The following SMOC1 variants were observed in gnomAD, a reference collection of about 807,000 sequenced individuals.
SMOC1 encodes the protein SPARC related modular calcium binding 1, also known as SPARC-related modular calcium-binding protein 1.
Under a neutral mutation model 56.3 loss-of-function variants are expected in SMOC1, and 22 were observed. The observed-to-expected ratio is 0.39, with a 90% confidence interval of 0.28 to 0.56. SMOC1 has a LOEUF of 0.56. Ranked by LOEUF, SMOC1 falls within the 20% of genes least tolerant of loss-of-function variation. The pLI is 0.61. For missense variants in SMOC1, 509 were observed against 565.4 expected (o/e 0.90, Z 1.01); for synonymous variants, 193 against 215.0 (o/e 0.90, Z 0.89).
intron 5 of SMOC1, among the ~76,000 whole-genome samples, chr14:69,986,515 T>A (rs61977396): frequency 0.058 from 8,836 of 152,282 alleles, 344 homozygotes; most frequent in Non-Finnish European, 0.086. Flanking sequence ...CATATCATTA[T>A]GCTAACTATA....
chr14:70,001,406 G>C (rs1002993674), intron 7 of SMOC1, among the ~76,000 whole-genome samples: 19 of 152,158 alleles, frequency 1.2e-4, no homozygotes, highest in Non-Finnish European at 2.5e-4. Context: ...CAAAGGGATG[G>C]GGGGTGATGG....
At chr14:69,952,686 T>A (rs917428081) in intron 2 of SMOC1, among the ~76,000 whole-genome samples, 2 of 152,208 alleles carry the variant, frequency 1.3e-5, no homozygotes, top group East Asian at 3.8e-4. Flanking sequence ...CAAAAAACAT[T>A]TGGGATAACA....
chr14:69,886,927 A>G (rs535107352), intron 1 of SMOC1, among the ~76,000 whole-genome samples: 1 of 152,374 alleles, frequency 6.6e-6, no homozygotes, highest in East Asian at 1.9e-4. Flanking sequence ...ATCAAAATAG[A>G]AAAGAATTGA....
chr14:69,982,398 G>A (rs763110179), intron 5 of SMOC1, among the ~76,000 whole-genome samples: 11 of 152,204 alleles, frequency 7.2e-5, no homozygotes, highest in Non-Finnish European at 1.6e-4. Flanking sequence ...CAAGGTCCCT[G>A]TCTGTATCTC....
chr14:69,920,482 G>T (rs1884808670), intron 1 of SMOC1, among the ~76,000 whole-genome samples: 2 of 152,156 alleles, frequency 1.3e-5, no homozygotes, highest in South Asian at 4.1e-4. Context: ...ATCTCAACAG[G>T]TTCCTGTCAT....
chr14:69,953,673 C>T lies in SMOC1; in HGVS notation c.378+141C>T, dbSNP rs996093884. On this transcript the variant is annotated intron_variant, in intron 3 of 11. Transcript: ENST00000361956. ...GGCTCTTCAACTCCCCTCTGTGCTG[C>T]CTTCCCCCTCTCTGGCCCTCCCCGT... The T allele has an allele frequency of 5.1e-5, 38 of 747,470 alleles. No homozygotes were observed. The Middle Eastern group carries it at 2.4e-3, about 47-fold the overall frequency. 46.3% of individuals were successfully genotyped at this position (747,470 alleles called of 1,614,324 possible).
At chr14:69,952,820 C>G (rs1050936331) in intron 2 of SMOC1, among the ~76,000 whole-genome samples, 1 of 152,224 alleles carries the variant, frequency 6.6e-6, no homozygotes, top group Non-Finnish European at 1.5e-5. Context: ...ACCTGCATAA[C>G]AGCTACCGCT....
chr14:69,934,581 T>C (rs922348747), intron 1 of SMOC1, among the ~76,000 whole-genome samples: 20 of 152,354 alleles, frequency 1.3e-4, no homozygotes, highest in African/African-American at 4.6e-4. Flanking sequence ...CCAGGTGTTA[T>C]GGCCTTTGAA....
intron 1 of SMOC1, among the ~76,000 whole-genome samples, chr14:69,882,850 T>A (rs1345342765): frequency 6.6e-6 from 1 of 152,186 alleles, no homozygotes; most frequent in East Asian, 1.9e-4. Flanking sequence ...ACTTTGTTGG[T>A]ACTGATGGAA....
Position 69,953,441 on chromosome 14 carries a change from GCCTGGAGCGGGCT to G in SMOC1, c.289_301del (p.Leu97LysfsTer67), listed in dbSNP as rs2139441906. ...TCAGATGCTGGCCAGAGCAAGTGTCGCCTGGAGCGGGCTCAAGCCCTGGAGCAAGCCAAGAAGC... is the reference window on the plus strand; with the variant it reads ...TCAGATGCTGGCCAGAGCAAGTGTCGCAAGCCCTGGAGCAAGCCAAGAAGC... On this transcript the variant is annotated frameshift_variant, in exon 3 of 12. Transcript: ENST00000361956. LOFTEE classifies it high-confidence loss of function. The G allele has an allele frequency of 1.2e-6, 2 of 1,614,198 alleles. No individual in the cohort carries two copies. The highest frequency in any genetic ancestry group is 4.5e-5 in the East Asian group (2 of 44,878).
At chr14:69,887,114 G>T (rs117850975) in intron 1 of SMOC1, among the ~76,000 whole-genome samples, 70 of 152,238 alleles carry the variant, frequency 4.6e-4, no homozygotes, top group Non-Finnish European at 9.0e-4. Flanking sequence ...AAACTGTGAT[G>T]AATTCACAGT....
At position 69,879,753 on chromosome 14, in the gene SMOC1, C is replaced by A; in HGVS notation, c.75C>A (p.Arg25=). 6.3e-7 allele frequency: 1 copy of A among 1,592,618 alleles called. No homozygotes were observed. ...LLVLVQLSPA[R]GHRTTGPRFL... is the part of the protein sequence containing the mutation. Reference sequence around the variant, plus strand: ...TGTTGGTGCAGCTGTCCCCTGCTCGCGGCCACCGCACCACAGGCCCCAGGG... The same window carrying A: ...TGTTGGTGCAGCTGTCCCCTGCTCGAGGCCACCGCACCACAGGCCCCAGGG... Residue 25 remains arginine, a synonymous_variant, in exon 1 of 12, where the codon CGC becomes CGA. Transcript: ENST00000361956.
chr14:69,884,381 A>T (rs1328482054), intron 1 of SMOC1, among the ~76,000 whole-genome samples: 1 of 152,082 alleles, frequency 6.6e-6, no homozygotes, highest in Non-Finnish European at 1.5e-5. Flanking sequence ...GTTTGTGAAT[A>T]TGTTCTCCCA....
At chr14:69,929,070 T>C (rs1885094391) in intron 1 of SMOC1, among the ~76,000 whole-genome samples, 1 of 152,164 alleles carries the variant, frequency 6.6e-6, no homozygotes. Context: ...GGTTGCAAGC[T>C]TGCAAGCTGC....
At chr14:69,967,282 C>A (rs2139482024) in intron 3 of SMOC1, among the ~76,000 whole-genome samples, 1 of 152,310 alleles carries the variant, frequency 6.6e-6, no homozygotes, top group East Asian at 1.9e-4. Context: ...CCCCAACAGG[C>A]AATCCTCCCT....
At chr14:69,920,668 G>C (rs575897631) in intron 1 of SMOC1, among the ~76,000 whole-genome samples, 20 of 145,698 alleles carry the variant, frequency 1.4e-4, no homozygotes, top group African/African-American at 4.6e-4. Flanking sequence ...CAGTCTGGTG[G>C]GGGGGAGGCA....
chr14:69,912,342 G>A (rs905292483), intron 1 of SMOC1, among the ~76,000 whole-genome samples: 18 of 152,270 alleles, frequency 1.2e-4, no homozygotes, highest in African/African-American at 3.6e-4. Context: ...TTGAACTCCC[G>A]GCTTCAAGCA....
chr14:69,961,544 C>G (rs1383534129), intron 3 of SMOC1, among the ~76,000 whole-genome samples: 4 of 151,380 alleles, frequency 2.6e-5, no homozygotes, highest in Non-Finnish European at 5.9e-5. Flanking sequence ...TTGCACTTGG[C>G]TAAATTTTTG....
chr14:69,936,024 G>A (rs1310006190), intron 1 of SMOC1, among the ~76,000 whole-genome samples: 1 of 152,192 alleles, frequency 6.6e-6, no homozygotes, highest in Non-Finnish European at 1.5e-5. Context: ...AGCAATGATG[G>A]GAGAGCCAAT....
Sources: allele counts gnomAD v4.1 joint callset (sites outside exome capture counted in the v4.1 genomes callset), GRCh38; gene constraint gnomAD v4.1.1; transcripts MANE v1.5; gene names NCBI Gene and HGNC (gene_info 2026-07-23, HGNC 2026-07-21).